AKAP19: variants seen among roughly 807,000 people sequenced by gnomAD.
The protein encoded by AKAP19 is A-kinase anchoring protein 19.
chr2:190,016,154 T>C, the AKAP19 span, among the ~76,000 whole-genome samples: 3 of 152,196 alleles, frequency 2.0e-5, no homozygotes, highest in African/African-American at 7.2e-5. Flanking sequence ...ACTATCTCTA[T>C]AGCAGCACCC....
At chr2:190,086,112 T>G in the AKAP19 span, among the ~76,000 whole-genome samples, 1 of 152,204 alleles carries the variant, frequency 6.6e-6, no homozygotes, top group South Asian at 2.1e-4. Flanking sequence ...TTTCCCTTCC[T>G]CCAAAGAAAT....
At chr2:190,064,409 AC>A in the AKAP19 span, among the ~76,000 whole-genome samples, 10,331 of 151,658 alleles carry the variant, frequency 0.068, 843 homozygotes, top group African/African-American at 0.2. Flanking sequence ...AGTAAGTCAA[AC>A]TTTTTTTTTA....
the AKAP19 span, chr2:189,924,183 C>T: frequency 2.0e-6 from 3 of 1,517,682 alleles, no homozygotes; most frequent in Middle Eastern, 1.7e-4. Context: ...GAGAGGATGA[C>T]AGAGACAGCG....
chr2:190,143,129 T>A, the AKAP19 span, among the ~76,000 whole-genome samples: 43 of 152,032 alleles, frequency 2.8e-4, 1 homozygote, highest in African/African-American at 8.9e-4. Flanking sequence ...CCAGTGCCAT[T>A]TTGGGTCCAG....
At chr2:190,013,293 G>T in the AKAP19 span, among the ~76,000 whole-genome samples, 11 of 152,164 alleles carry the variant, frequency 7.2e-5, no homozygotes, top group Non-Finnish European at 1.5e-4. Context: ...TCTTTACTTA[G>T]TATTGGTCTG....
At chr2:189,889,167 G>A in the AKAP19 span, among the ~76,000 whole-genome samples, 1 of 152,058 alleles carries the variant, frequency 6.6e-6, no homozygotes, top group Non-Finnish European at 1.5e-5. Context: ...TTTGTCAAAG[G>A]CCTTTTCTGC....
At chr2:189,898,628 A>C in the AKAP19 span, among the ~76,000 whole-genome samples, 1 of 152,196 alleles carries the variant, frequency 6.6e-6, no homozygotes, top group Non-Finnish European at 1.5e-5. Context: ...CAAGCTCTCA[A>C]GTTGGGAACA....
the AKAP19 span, among the ~76,000 whole-genome samples, chr2:190,120,040 G>A: frequency 6.6e-6 from 1 of 152,078 alleles, no homozygotes. Flanking sequence ...TCAAAGCAGG[G>A]GTCCCCAACC....
At chr2:190,108,368 C>G in the AKAP19 span, among the ~76,000 whole-genome samples, 1 of 152,202 alleles carries the variant, frequency 6.6e-6, no homozygotes, top group Non-Finnish European at 1.5e-5. Context: ...GTTGGCCAGG[C>G]TGGTCTCACA....
the AKAP19 span, among the ~76,000 whole-genome samples, chr2:190,016,806 G>A: frequency 6.6e-6 from 1 of 152,106 alleles, no homozygotes; most frequent in African/African-American, 2.4e-5. Flanking sequence ...GGTTTATTTG[G>A]TCTAAAATGT....
the AKAP19 span, among the ~76,000 whole-genome samples, chr2:189,983,758 G>A: frequency 6.6e-6 from 1 of 152,180 alleles, no homozygotes; most frequent in Non-Finnish European, 1.5e-5. Flanking sequence ...AGTGACTTGA[G>A]TATGTTTTTG....
At chr2:190,074,216 T>G in the AKAP19 span, among the ~76,000 whole-genome samples, 1 of 152,154 alleles carries the variant, frequency 6.6e-6, no homozygotes, top group Non-Finnish European at 1.5e-5. Flanking sequence ...CAAACATCAA[T>G]ACATTTTTAA....
At chr2:190,156,265 A>T in the AKAP19 span, among the ~76,000 whole-genome samples, 2 of 152,182 alleles carry the variant, frequency 1.3e-5, no homozygotes, top group Non-Finnish European at 2.9e-5. Context: ...CATCCTATTA[A>T]TCTGGAAAAA....
the AKAP19 span, among the ~76,000 whole-genome samples, chr2:190,146,167 C>T: frequency 1.3e-5 from 2 of 152,016 alleles, no homozygotes; most frequent in African/African-American, 2.4e-5. Context: ...CCAATCTTCC[C>T]CCAGGTCCCC....
At chr2:189,931,017 G>A in the AKAP19 span, 2 of 668,206 alleles carry the variant, frequency 3.0e-6, no homozygotes, top group Non-Finnish European at 5.2e-6. Flanking sequence ...CCATCTTCTG[G>A]GGCCAAGGGG....
At chr2:189,969,432 G>A in the AKAP19 span, among the ~76,000 whole-genome samples, 1 of 152,122 alleles carries the variant, frequency 6.6e-6, no homozygotes, top group Non-Finnish European at 1.5e-5. Context: ...TGGTATCACA[G>A]CTTGAACAGA....
chr2:190,113,688 C>T, the AKAP19 span, among the ~76,000 whole-genome samples: 1 of 152,184 alleles, frequency 6.6e-6, no homozygotes. Flanking sequence ...TTTTCTATCC[C>T]AGGAGTAGAC....
At chr2:190,183,935 C>G in the AKAP19 span, among the ~76,000 whole-genome samples, 1 of 151,844 alleles carries the variant, frequency 6.6e-6, no homozygotes, top group East Asian at 1.9e-4. Context: ...CATTAGAATA[C>G]GCTATCTATC....
the AKAP19 span, among the ~76,000 whole-genome samples, chr2:190,110,603 A>G: frequency 2.0e-5 from 3 of 152,240 alleles, no homozygotes; most frequent in Non-Finnish European, 2.9e-5. Flanking sequence ...AGTTGTAGAT[A>G]ACAGAATGGT....
Sources: gnomAD v4.1 joint callset for allele counts (sites outside exome capture counted in the v4.1 genomes callset) on GRCh38, gnomAD v4.1.1 for gene constraint, MANE v1.5 for transcripts, NCBI Gene and HGNC (gene_info 2026-07-23, HGNC 2026-07-21) for gene names.